The following SNTG1 variants were observed in gnomAD, a reference collection of about 807,000 sequenced individuals.
SNTG1 encodes the protein syntrophin gamma 1, also known as gamma-1-syntrophin.
In SNTG1, 39 loss-of-function variants were observed where a neutral mutation model predicts 74.7. The ratio of observed to expected loss-of-function variants is 0.52; its 90% CI spans 0.40 to 0.68. The LOEUF (loss-of-function observed/expected upper bound fraction) is 0.68. Ranked by LOEUF, SNTG1 falls within the 30% of genes least tolerant of loss-of-function variation. The pLI, the probability that SNTG1 is intolerant of heterozygous loss-of-function variation, is 0.00. For missense variants in SNTG1, 685 were observed against 609.5 expected, an observed-to-expected ratio of 1.12 and a Z score of -1.30; for synonymous variants, 254 against 217.1, an observed-to-expected ratio of 1.17 and a Z score of -1.49.
intron 8 of SNTG1, among the ~76,000 whole-genome samples, chr8:50,499,711 C>T (rs1262997149): frequency 6.6e-6 from 1 of 151,374 alleles, no homozygotes; most frequent in Non-Finnish European, 1.5e-5. Flanking sequence ...AAGTTCCGTT[C>T]TACCATTACT....
At chr8:49,948,090 C>T (rs2129386846) in intron 1 of SNTG1, among the ~76,000 whole-genome samples, 1 of 152,110 alleles carries the variant, frequency 6.6e-6, no homozygotes. Context: ...GAGATCTTGC[C>T]ACTGCACTCA....
At chr8:50,080,035 GT>G (rs925134395) in intron 1 of SNTG1, among the ~76,000 whole-genome samples, 2 of 152,002 alleles carry the variant, frequency 1.3e-5, no homozygotes, top group African/African-American at 4.8e-5. Context: ...ACATGGGCTT[GT>G]TTTTCTAATT....
At chr8:50,213,459 G>A (rs532133898) in intron 2 of SNTG1, among the ~76,000 whole-genome samples, 1 of 152,222 alleles carries the variant, frequency 6.6e-6, no homozygotes, top group South Asian at 2.1e-4. Flanking sequence ...ATTCATGTGA[G>A]TTGATTTGAA....
At chr8:50,178,525 T>C (rs528351061) in intron 2 of SNTG1, among the ~76,000 whole-genome samples, 3 of 152,120 alleles carry the variant, frequency 2.0e-5, no homozygotes, top group Non-Finnish European at 4.4e-5. Flanking sequence ...TTAATACAAA[T>C]GAATTATAAA....
intron 8 of SNTG1, among the ~76,000 whole-genome samples, chr8:50,468,268 G>C (rs1422417521): frequency 3.3e-5 from 5 of 151,904 alleles, no homozygotes; most frequent in Non-Finnish European, 5.9e-5. Context: ...TCTCCTTTCA[G>C]TTCTATCAGT....
At chr8:49,914,175 G>C (rs1805822980) in intron 1 of SNTG1, among the ~76,000 whole-genome samples, 1 of 152,052 alleles carries the variant, frequency 6.6e-6, no homozygotes, top group Non-Finnish European at 1.5e-5. Flanking sequence ...AAACAAAAAG[G>C]GGGTAGTGGA....
chr8:50,207,025 G>C (rs202169270), intron 2 of SNTG1, among the ~76,000 whole-genome samples: 3 of 151,990 alleles, frequency 2.0e-5, no homozygotes. Context: ...GTCTAAAATT[G>C]TCTTTTTTTG....
At chr8:49,970,967 T>C (rs2129940795) in intron 1 of SNTG1, among the ~76,000 whole-genome samples, 1 of 152,326 alleles carries the variant, frequency 6.6e-6, no homozygotes. Context: ...CCATTCATTC[T>C]GAAACTATTC....
intron 1 of SNTG1, among the ~76,000 whole-genome samples, chr8:50,142,076 G>T (rs962562622): frequency 6.6e-6 from 1 of 151,818 alleles, no homozygotes; most frequent in Non-Finnish European, 1.5e-5. Flanking sequence ...TTCTTTCTGG[G>T]TCACTATAAT....
chr8:50,619,099 T>A (rs548196719), intron 13 of SNTG1, among the ~76,000 whole-genome samples: 1 of 152,278 alleles, frequency 6.6e-6, no homozygotes, highest in Non-Finnish European at 1.5e-5. Flanking sequence ...AGCTTTATAT[T>A]ATGTGCAAAT....
At position 50,076,207 on chromosome 8, in the gene SNTG1, C is replaced by G. The variant is rs1182488790; in HGVS notation, c.-102-96354C>G. Among the ~76,000 whole-genome samples the G allele has an allele frequency of 2.6e-5, 4 of 152,118 alleles. No individual in the cohort carries two copies. In the East Asian group the frequency reaches 7.7e-4, roughly 29 times the overall value. ...GATGTGAGCTTGAGCCAGCAAATTC[C>G]ACATGCTAATTTAGTTGAGGTCAAG... On this transcript the variant is annotated intron_variant, in intron 1 of 18. Transcript: ENST00000642720.
chr8:50,695,424 T>A (rs905788409), intron 15 of SNTG1, among the ~76,000 whole-genome samples: 4 of 151,940 alleles, frequency 2.6e-5, no homozygotes, highest in Non-Finnish European at 5.9e-5. Flanking sequence ...AGCCAAAATA[T>A]TAATAATTAT....
At chr8:49,971,504 G>T (rs1811670870) in intron 1 of SNTG1, among the ~76,000 whole-genome samples, 1 of 152,156 alleles carries the variant, frequency 6.6e-6, no homozygotes, top group African/African-American at 2.4e-5. Context: ...AGTGTTGGAA[G>T]TTCTGGCCAG....
At chr8:50,205,553 C>T (rs1042990376) in intron 2 of SNTG1, among the ~76,000 whole-genome samples, 5 of 152,176 alleles carry the variant, frequency 3.3e-5, no homozygotes, top group Non-Finnish European at 7.3e-5. Flanking sequence ...GTTTCTTTTG[C>T]TGTGCAGAAG....
chr8:50,205,651 G>A (rs2084195546), intron 2 of SNTG1, among the ~76,000 whole-genome samples: 2 of 152,196 alleles, frequency 1.3e-5, no homozygotes, highest in African/African-American at 4.8e-5. Flanking sequence ...CCATGCCTAT[G>A]TCCTGAATGG....
intron 15 of SNTG1, among the ~76,000 whole-genome samples, chr8:50,694,487 C>A (rs1364984470): frequency 3.3e-5 from 5 of 152,132 alleles, no homozygotes; most frequent in Non-Finnish European, 7.4e-5. Flanking sequence ...GATGGCCTCA[C>A]TGTTGAATTC....
At chr8:50,274,311 T>C (rs2087966518) in intron 2 of SNTG1, among the ~76,000 whole-genome samples, 1 of 151,998 alleles carries the variant, frequency 6.6e-6, no homozygotes, top group Non-Finnish European at 1.5e-5. Context: ...GGTCTCAAAC[T>C]CCTGACCTCA....
At chr8:50,200,677 A>G (rs1418003668) in intron 2 of SNTG1, among the ~76,000 whole-genome samples, 1 of 152,158 alleles carries the variant, frequency 6.6e-6, no homozygotes, top group Non-Finnish European at 1.5e-5. Context: ...TTGAGCAAGG[A>G]TACCTCAACT....
intron 1 of SNTG1, among the ~76,000 whole-genome samples, chr8:50,115,386 G>A (rs1252908516): frequency 2.0e-5 from 3 of 151,668 alleles, no homozygotes. Context: ...GGCTAACATG[G>A]TGAAACCCCG....
Sources: gnomAD v4.1 joint callset for allele counts (sites outside exome capture counted in the v4.1 genomes callset) on GRCh38, gnomAD v4.1.1 for gene constraint, MANE v1.5 for transcripts, NCBI Gene and HGNC (gene_info 2026-07-23, HGNC 2026-07-21) for gene names.